Variants in EIF4A3 observed in about 807,000 individuals in gnomAD.
EIF4A3 encodes eukaryotic initiation factor 4A-III.
In EIF4A3, 1 loss-of-function variant was observed where a neutral mutation model predicts 55.6. The ratio of observed to expected loss-of-function variants is 0.02; its 90% confidence interval spans 0.01 to 0.09. EIF4A3 has a LOEUF of 0.09. Among genes scored for constraint, EIF4A3 ranks in the 10% least tolerant of loss-of-function variants. The pLI is 1.00. For synonymous variants in EIF4A3, 194 were observed against 196.3 expected (o/e 0.99, Z 0.10); for missense variants, 221 against 540.7 (o/e 0.41, Z 5.86).
At chr17:80,135,823 A>G in intron 11 of EIF4A3, 181 bp downstream of exon 11, 1 of 715,084 alleles carries the variant, frequency 1.4e-6, no homozygotes, top group Non-Finnish European at 2.3e-6. Context: ...TGAACCCAGG[A>G]GGCAGAGGTT....
chr17:80,138,423 C>G (rs977127713), intron 7 of EIF4A3, 143 bp from the exon 8 acceptor site: 65 of 903,650 alleles, frequency 7.2e-5, no homozygotes, highest in Non-Finnish European at 1.0e-4. Context: ...CAGCCCTGTC[C>G]TCCATCCTAT....
At chr17:80,146,678 C>T (rs1326453492) in intron 1 of EIF4A3, 115 bp downstream of exon 1, 1 of 1,314,988 alleles carries the variant, frequency 7.6e-7, no homozygotes, top group African/African-American at 1.5e-5. Flanking sequence ...GAGCCTCGAC[C>T]CTGACCACGA....
intron 5 of EIF4A3, 61 bp from the exon 6 acceptor site, chr17:80,139,811 C>G: frequency 6.4e-7 from 1 of 1,562,448 alleles, no homozygotes; most frequent in Non-Finnish European, 8.8e-7. Flanking sequence ...TTGAAATAAT[C>G]ACACCTGAGG....
chr17:80,146,270 C>T (rs966117906), intron 1 of EIF4A3, among the ~76,000 whole-genome samples: 7 of 152,096 alleles, frequency 4.6e-5, no homozygotes, highest in Admixed American at 1.3e-4. Context: ...TCATCCAGAA[C>T]TCTGCTCAAA....
intron 8 of EIF4A3, 61 bp from the exon 9 acceptor site, chr17:80,137,562 C>T (rs890001296): frequency 1.1e-5 from 14 of 1,322,386 alleles, no homozygotes; most frequent in African/African-American, 5.8e-5. Flanking sequence ...GATGTGCATT[C>T]GGGACTTTAC....
At position 80,146,962 on chromosome 17, in the gene EIF4A3, G is replaced by A. The variant is rs1176035991; in HGVS notation, c.-1C>T. The A allele has an allele frequency of 6.2e-7, 1 of 1,604,266 alleles. No individual in the cohort carries two copies. Among genetic ancestry groups the A allele is most frequent in the Non-Finnish European group, 8.5e-7 (1 of 1,177,506 alleles). Reference sequence around the variant, plus strand: ...TCGCCATCGTGGCCGTGGTCGCCATGATTCAGAGTCCGCGGAAGAGCACAG... The same window carrying A: ...TCGCCATCGTGGCCGTGGTCGCCATAATTCAGAGTCCGCGGAAGAGCACAG... On this transcript the variant is annotated 5_prime_UTR_variant, in exon 1 of 12. Coordinates refer to ENST00000649764, the MANE Select transcript of EIF4A3 (RefSeq NM_014740.4).
intron 7 of EIF4A3, 163 bp downstream of exon 7, chr17:80,138,858 T>G: frequency 3.3e-6 from 3 of 914,816 alleles, no homozygotes; most frequent in Non-Finnish European, 4.9e-6. Flanking sequence ...ATGCTTTCAA[T>G]TCCTTTACAC....
intron 2 of EIF4A3, among the ~76,000 whole-genome samples, chr17:80,143,027 A>C (rs568872897): frequency 2.0e-5 from 3 of 152,356 alleles, no homozygotes; most frequent in African/African-American, 4.8e-5. Context: ...CCTGTCTCGA[A>C]AAATGTAAAA....
At chr17:80,144,899 TGAA>T (rs1026918112) in intron 1 of EIF4A3, among the ~76,000 whole-genome samples, 3 of 152,262 alleles carry the variant, frequency 2.0e-5, no homozygotes, top group South Asian at 2.1e-4. Context: ...GAGGCTATTT[TGAA>T]GAAGAACCAC....
chr17:80,145,699 T>C lies in EIF4A3; in HGVS notation c.169+1094A>G, dbSNP rs762233667. Reference sequence around the variant, plus strand: ...CCAACCCAACCTCTTCTCCAGGCTCTCCCTCAACTTCCTCACATCTTTCAA... The same window carrying C: ...CCAACCCAACCTCTTCTCCAGGCTCCCCCTCAACTTCCTCACATCTTTCAA... On this transcript the variant is annotated intron_variant, in intron 1 of 11. Coordinates refer to ENST00000649764, the MANE Select transcript of EIF4A3 (RefSeq NM_014740.4). Among the ~76,000 whole-genome samples the C allele has an allele frequency of 1.6e-4, 25 of 152,092 alleles. 1 individual carries two copies. The highest frequency in any genetic ancestry group is 3.1e-4 in the Non-Finnish European group (21 of 68,024).
chr17:80,145,043 A>G (rs1022731760), intron 1 of EIF4A3, among the ~76,000 whole-genome samples: 1 of 152,254 alleles, frequency 6.6e-6, no homozygotes, highest in Non-Finnish European at 1.5e-5. Context: ...AATGTAGCAC[A>G]ATTTCCCATC....
chr17:80,144,544 G>GA (rs2039643514), intron 1 of EIF4A3, among the ~76,000 whole-genome samples: 1 of 151,926 alleles, frequency 6.6e-6, no homozygotes, highest in South Asian at 2.1e-4. Flanking sequence ...GCAGCATCTG[G>GA]AAGTGTAAGT....
chr17:80,141,082 G>A (rs2039614282), intron 4 of EIF4A3, among the ~76,000 whole-genome samples: 1 of 151,652 alleles, frequency 6.6e-6, no homozygotes, highest in Non-Finnish European at 1.5e-5. Context: ...TTGATTTTTC[G>A]CAAAAAATCT....
intron 4 of EIF4A3, among the ~76,000 whole-genome samples, chr17:80,140,686 AAAG>A (rs1304799647): frequency 2.0e-5 from 3 of 152,224 alleles, no homozygotes; most frequent in Non-Finnish European, 4.4e-5. Flanking sequence ...CATTAACAGA[AAAG>A]AATATATAAA....
intron 6 of EIF4A3, 119 bp from the exon 7 acceptor site, chr17:80,139,281 G>C (rs1300455401): frequency 7.3e-7 from 1 of 1,369,978 alleles, no homozygotes. Context: ...ACGTTTGACA[G>C]GAAATCTCAT....
At chr17:80,141,730 G>C in intron 3 of EIF4A3, 52 bp downstream of exon 3, 1 of 1,538,822 alleles carries the variant, frequency 6.5e-7, no homozygotes, top group Non-Finnish European at 9.0e-7. Context: ...AGAAGAAAAA[G>C]CAAGTATTTC....
At chr17:80,141,671 A>C (rs1378506316) in intron 3 of EIF4A3, 111 bp downstream of exon 3, 2 of 1,110,908 alleles carry the variant, frequency 1.8e-6, no homozygotes, top group African/African-American at 3.2e-5. Context: ...TTGCTGAGTC[A>C]ATACATACTA....
At chr17:80,139,815 C>T in intron 5 of EIF4A3, 65 bp from the exon 6 acceptor site, 3 of 1,545,692 alleles carry the variant, frequency 1.9e-6, no homozygotes, top group Non-Finnish European at 2.7e-6. Context: ...AATAATCACA[C>T]CTGAGGCTCC....
intron 1 of EIF4A3, among the ~76,000 whole-genome samples, chr17:80,146,065 A>G (rs907565527): frequency 9.9e-5 from 15 of 152,026 alleles, no homozygotes; most frequent in African/African-American, 3.6e-4. Context: ...GCTTCCCACT[A>G]GATTTCTAAA....
Sources: allele counts gnomAD v4.1 joint callset (sites outside exome capture counted in the v4.1 genomes callset), GRCh38; gene constraint gnomAD v4.1.1; transcripts MANE v1.5; gene names NCBI Gene and HGNC (gene_info 2026-07-23, HGNC 2026-07-21).